NLRC5: variants seen among roughly 807,000 people sequenced by gnomAD.
NLRC5 encodes protein NLRC5.
In NLRC5, 114 loss-of-function variants were observed where a neutral mutation model predicts 206.9. The ratio of observed to expected loss-of-function variants is 0.55; its 90% CI spans 0.47 to 0.64. The LOEUF is 0.64. NLRC5 is among the 30% of genes least tolerant of loss of function. The pLI is 0.00. For missense variants in NLRC5, 2,008 were observed against 2,305.5 expected (o/e 0.87, Z 2.64); for synonymous variants, 952 against 962.8 (o/e 0.99, Z 0.21).
At position 57,025,885 on chromosome 16, in the gene NLRC5, G is replaced by T. The variant is rs1240193825; in HGVS notation, c.942G>T (p.Gln314His). The T allele has an allele frequency of 1.2e-6, 2 of 1,614,208 alleles. No individual in the cohort carries two copies. The highest frequency in any genetic ancestry group is 1.3e-5 in the African/African-American group (1 of 75,060). Residue 314 changes from glutamine (Q) to histidine (H), a missense_variant, in exon 6 of 49, where the codon CAG becomes CAT. Gln to His is a conservative substitution (Grantham distance 24, BLOSUM62 0). Coordinates refer to ENST00000688547, the MANE Select transcript of NLRC5 (RefSeq NM_001384950.1). ...TTGATGGGCTAGATGAGGCCCTCCAGCCTATGGGTCCTGATGGCCCAGGCC... is the reference window on the plus strand; with the variant it reads ...TTGATGGGCTAGATGAGGCCCTCCATCCTATGGGTCCTGATGGCCCAGGCC... Reference protein sequence around the residue: ...LIFDGLDEALQPMGPDGPGPV... With the variant: ...LIFDGLDEALHPMGPDGPGPV...
At position 57,069,873 on chromosome 16, in the gene NLRC5, C is replaced by T. The variant is rs1239645425; in HGVS notation, c.4537C>T (p.His1513Tyr). 1.0e-5 allele frequency: 16 copies of T among 1,600,132 alleles called. No homozygotes were observed. In the African/African-American group the frequency reaches 2.0e-4, roughly 20 times the overall value. The part of the protein sequence containing the change: ...SSCVSTEGLA[H>Y]LASGLGHCHH... The stretch of plus-strand genomic sequence containing the variant: ...CTGTGTGAGCACCGAGGGCCTCGCC[C>T]ACCTGGCATCTGGTCTGGGCCACTG... The change falls in exon 37 of 49, where the codon CAC becomes TAC. Residue 1513 changes from histidine (H) to tyrosine (Y), a missense_variant. Physicochemically the swap from His to Tyr is moderately conservative, Grantham distance 83. Coordinates refer to ENST00000688547, the MANE Select transcript of NLRC5 (RefSeq NM_001384950.1).
At chr16:57,016,879 C>A (rs1180223721) in intron 1 of NLRC5, among the ~76,000 whole-genome samples, 195 bp from the exon 2 acceptor site, 2 of 152,238 alleles carry the variant, frequency 1.3e-5, no homozygotes, top group South Asian at 4.1e-4. Context: ...GGTTAGGCTG[C>A]GTAAACCCAG....
intron 10 of NLRC5, among the ~76,000 whole-genome samples, chr16:57,030,355 GCTGA>G (rs2061667458): frequency 8.6e-6 from 1 of 116,466 alleles, no homozygotes; most frequent in Non-Finnish European, 1.9e-5. Flanking sequence ...TGAATGGATG[GCTGA>G]AAAGATGGAT....
chr16:57,055,716 GCCATGGTGGAGCTAGTT>G (rs1428172110), intron 27 of NLRC5, among the ~76,000 whole-genome samples, 197 bp downstream of exon 27: 1 of 152,100 alleles, frequency 6.6e-6, no homozygotes, highest in Non-Finnish European at 1.5e-5. Flanking sequence ...CCCCACTCTC[GCCATGGTGGAGCTAGTT>G]CCATGGTGTG....
intron 29 of NLRC5, 91 bp from the exon 30 acceptor site, chr16:57,059,376 C>G: frequency 1.3e-6 from 2 of 1,532,352 alleles, no homozygotes; most frequent in Non-Finnish European, 1.8e-6. Context: ...GGTGCAGCCC[C>G]GCTTCCCTCT....
intron 1 of NLRC5, among the ~76,000 whole-genome samples, chr16:57,015,977 G>A (rs2060054647): frequency 6.7e-6 from 1 of 148,898 alleles, no homozygotes; most frequent in Non-Finnish European, 1.5e-5. Flanking sequence ...CACTTAAAGA[G>A]GCTGAGGCAG....
At chr16:57,014,553 T>C (rs1304399548) in intron 1 of NLRC5, among the ~76,000 whole-genome samples, 3 of 152,270 alleles carry the variant, frequency 2.0e-5, no homozygotes, top group African/African-American at 7.2e-5. Context: ...ATACTGCCTC[T>C]TTTCTCTAAA....
chr16:57,047,693 G>A (rs2064187229), intron 23 of NLRC5, 65 bp downstream of exon 23: 4 of 1,383,232 alleles, frequency 2.9e-6, no homozygotes, highest in Non-Finnish European at 4.1e-6. Flanking sequence ...CCTGGGAGGG[G>A]GCTTCTTGGT....
chr16:57,010,447 T>C (rs1318990426), intron 1 of NLRC5, among the ~76,000 whole-genome samples: 1 of 152,188 alleles, frequency 6.6e-6, no homozygotes, highest in Non-Finnish European at 1.5e-5. Context: ...AGATCATAGC[T>C]CACTGCAGCC....
intron 36 of NLRC5, among the ~76,000 whole-genome samples, chr16:57,069,365 G>A (rs1302176441): frequency 6.6e-6 from 1 of 152,094 alleles, no homozygotes; most frequent in Non-Finnish European, 1.5e-5. Context: ...GGGAGGCCGA[G>A]GAGGAAAAAT....
At chr16:57,019,979 CCAGGGTGCAGG>C (rs1567537961) in intron 2 of NLRC5, among the ~76,000 whole-genome samples, 1 of 152,180 alleles carries the variant, frequency 6.6e-6, no homozygotes, top group East Asian at 1.9e-4. Flanking sequence ...TTCCAGAGAG[CCAGGGTGCAGG>C]CACAAATGGA....
chr16:57,049,553 T>C (rs1346602297), intron 23 of NLRC5, among the ~76,000 whole-genome samples: 2 of 151,840 alleles, frequency 1.3e-5, no homozygotes, highest in Non-Finnish European at 2.9e-5. Flanking sequence ...CTGGCCAACA[T>C]AGTGAAACCC....
In NLRC5 at chr16:57,065,282, A is replaced by G; in HGVS notation, c.4225A>G (p.Ser1409Gly). 2 of 1,579,644 alleles carry G rather than the reference A, an allele frequency of 1.3e-6. No homozygotes were observed. The highest frequency in any genetic ancestry group is 8.6e-7 in the Non-Finnish European group (1 of 1,160,118). ...AGAAGTCTGCGCCCAGGCCTCAGGC[A>G]GTGTCACTGAAATCAGGTGAGTCCA... ...LLEVCAQASG[S>G]VTEISISETQ... Residue 1409 changes from serine (S) to glycine (G), a missense_variant, in exon 33 of 49, where the codon AGT becomes GGT. By Grantham distance (56) the Ser-to-Gly change is moderately conservative. Transcript: ENST00000688547.
chr16:57,039,260 T>C (rs1315635829), intron 15 of NLRC5, among the ~76,000 whole-genome samples: 3 of 152,212 alleles, frequency 2.0e-5, no homozygotes, highest in Non-Finnish European at 4.4e-5. Context: ...CTTTTAAGAC[T>C]TGCCAGGAAA....
At chr16:56,993,121 GTATA>G (rs59382132) in intron 1 of NLRC5, among the ~76,000 whole-genome samples, 12,446 of 128,898 alleles carry the variant, frequency 0.097, 694 homozygotes, top group East Asian at 0.22. Flanking sequence ...GTATATATGT[GTATA>G]TATATATACA....
chr16:57,037,306 G>C, intron 15 of NLRC5, 22 bp downstream of exon 15: 1 of 1,592,612 alleles, frequency 6.3e-7, no homozygotes, highest in Non-Finnish European at 8.5e-7. Flanking sequence ...CTCAGACCAC[G>C]GTACCCATCC....
chr16:57,046,428 G>T, intron 21 of NLRC5, 124 bp from the exon 22 acceptor site: 1 of 708,988 alleles, frequency 1.4e-6, no homozygotes. Flanking sequence ...TCCAAGTCTG[G>T]GAGTCCAATG....
intron 1 of NLRC5, among the ~76,000 whole-genome samples, chr16:56,996,478 G>A (rs2057624775): frequency 6.6e-6 from 1 of 152,154 alleles, no homozygotes; most frequent in Non-Finnish European, 1.5e-5. Flanking sequence ...GAGCCTCCAT[G>A]CCCCACCCTT....
intron 1 of NLRC5, among the ~76,000 whole-genome samples, chr16:56,993,710 G>A (rs1597046050): frequency 6.6e-6 from 1 of 152,076 alleles, no homozygotes; most frequent in African/African-American, 2.4e-5. Flanking sequence ...GTCACCTGTA[G>A]CTCATTTTCC....
Sources: gnomAD v4.1 joint callset for allele counts (sites outside exome capture counted in the v4.1 genomes callset) on GRCh38, gnomAD v4.1.1 for gene constraint, MANE v1.5 for transcripts, NCBI Gene and HGNC (gene_info 2026-07-23, HGNC 2026-07-21) for gene names.